GALNT2: variants seen among roughly 807,000 people sequenced by gnomAD.
GALNT2 encodes the protein UDP-GalNAc:polypeptide N-acetylgalactosaminyltransferase 2.
In GALNT2, 31 loss-of-function variants were observed where a neutral mutation model predicts 81.4. The ratio of observed to expected loss-of-function variants is 0.38; its 90% CI spans 0.29 to 0.51. GALNT2 has a LOEUF of 0.51. Among genes scored for constraint, GALNT2 ranks in the 20% least tolerant of loss-of-function variants. The pLI is 0.87. For missense variants in GALNT2, 629 were observed against 765.7 expected (o/e 0.82, Z 2.11); for synonymous variants, 303 against 287.4 (o/e 1.05, Z -0.55).
chr1:230,206,373 A>G (rs1056890378), intron 3 of GALNT2, among the ~76,000 whole-genome samples: 3 of 152,056 alleles, frequency 2.0e-5, no homozygotes, highest in African/African-American at 7.2e-5. Context: ...GTTTAATTTT[A>G]GTTCCAGCCA....
At chr1:230,155,344 G>A (rs1241732585) in intron 1 of GALNT2, among the ~76,000 whole-genome samples, 1 of 152,222 alleles carries the variant, frequency 6.6e-6, no homozygotes, top group Non-Finnish European at 1.5e-5. Context: ...CCTGCCTGCA[G>A]CCGCTGACCT....
intron 3 of GALNT2, among the ~76,000 whole-genome samples, chr1:230,215,607 A>G (rs1474121785): frequency 1.3e-5 from 2 of 152,224 alleles, no homozygotes; most frequent in Non-Finnish European, 2.9e-5. Context: ...TTTTGCCCTG[A>G]GCAATAATGT....
chr1:230,093,684 C>T (rs954894222), intron 1 of GALNT2, among the ~76,000 whole-genome samples: 2 of 152,208 alleles, frequency 1.3e-5, no homozygotes, highest in Non-Finnish European at 2.9e-5. Flanking sequence ...ATCGAATACC[C>T]AATGGTGGTC....
At chr1:230,074,593 T>G (rs1332932186) in intron 1 of GALNT2, among the ~76,000 whole-genome samples, 3 of 152,234 alleles carry the variant, frequency 2.0e-5, no homozygotes, top group Non-Finnish European at 4.4e-5. Context: ...CCGTTAATTT[T>G]GATTTCATTC....
At chr1:230,083,060 G>T (rs750722887) in intron 1 of GALNT2, among the ~76,000 whole-genome samples, 8 of 151,834 alleles carry the variant, frequency 5.3e-5, no homozygotes, top group Non-Finnish European at 1.2e-4. Flanking sequence ...GGATGATGGA[G>T]CAGGGAAGCC....
intron 1 of GALNT2, among the ~76,000 whole-genome samples, chr1:230,174,722 G>A (rs932740931): frequency 2.6e-5 from 4 of 152,076 alleles, no homozygotes; most frequent in Non-Finnish European, 5.9e-5. Context: ...TACTGAAATG[G>A]CCTCCTGGGC....
chr1:230,073,218 G>T (rs1407383123), intron 1 of GALNT2, among the ~76,000 whole-genome samples: 1 of 152,180 alleles, frequency 6.6e-6, no homozygotes, highest in Non-Finnish European at 1.5e-5. Flanking sequence ...ACTTGACCTT[G>T]TTCTCTTAAC....
In GALNT2 at chr1:230,243,945, G is replaced by T. The variant is rs1175902586; in HGVS notation, c.729+518G>T. ...CTAGGAAGCATACAGGGACCGGTGG[G>T]GTTGTCAGAGGGTGATCCGCGGCTC... On this transcript the variant is annotated intron_variant, in intron 7 of 15. Transcript: ENST00000366672. The surrounding 1 kb of genome is among the most constrained non-coding windows in gnomAD (Gnocchi z 4.2). 6.6e-6 allele frequency among the ~76,000 whole-genome samples: 1 copy of T among 151,998 alleles called. No homozygotes were observed. The highest frequency in any genetic ancestry group is 1.5e-5 in the Non-Finnish European group (1 of 68,004).
chr1:230,208,870 C>T (rs993602859), intron 3 of GALNT2, among the ~76,000 whole-genome samples: 9 of 152,008 alleles, frequency 5.9e-5, no homozygotes, highest in African/African-American at 2.2e-4. Flanking sequence ...GGTGGAGGAT[C>T]GGGGGTTGTT....
At chr1:230,166,445 G>A (rs1038904201) in intron 1 of GALNT2, among the ~76,000 whole-genome samples, 4 of 152,288 alleles carry the variant, frequency 2.6e-5, no homozygotes, top group Non-Finnish European at 5.9e-5. Context: ...AATATCCCAC[G>A]TGGGTCATAT....
chr1:230,265,214 G>A lies in GALNT2; in HGVS notation c.1314-27G>A, dbSNP rs750607301. On this transcript the variant is annotated intron_variant, in intron 13 of 15. Coordinates refer to ENST00000366672, the MANE Select transcript of GALNT2 (RefSeq NM_004481.5). Reference sequence around the variant, plus strand: ...GGAGCTGGTGGTCATGTGCAGTGAAGCAGGTGATTCTCACGTTGTTTTTCA... The same window carrying A: ...GGAGCTGGTGGTCATGTGCAGTGAAACAGGTGATTCTCACGTTGTTTTTCA... 8.7e-6 allele frequency: 14 copies of A among 1,613,912 alleles called. No individual in the cohort carries two copies. In the South Asian group the frequency reaches 1.5e-4, roughly 18 times the overall value.
At chr1:230,088,263 C>G (rs1180740651) in intron 1 of GALNT2, among the ~76,000 whole-genome samples, 3 of 152,168 alleles carry the variant, frequency 2.0e-5, no homozygotes, top group Admixed American at 6.5e-5. Context: ...TTCTCACCAG[C>G]CCCTGGCACC....
At chr1:230,074,944 G>A (rs933176867) in intron 1 of GALNT2, among the ~76,000 whole-genome samples, 2 of 151,710 alleles carry the variant, frequency 1.3e-5, no homozygotes, top group South Asian at 2.1e-4. Context: ...ACTCCTGGCC[G>A]AGGGTTTCTG....
intron 1 of GALNT2, among the ~76,000 whole-genome samples, chr1:230,123,689 T>C (rs1273989123): frequency 2.6e-5 from 4 of 152,232 alleles, no homozygotes; most frequent in African/African-American, 7.2e-5. Flanking sequence ...TTTCTACGAT[T>C]ATGGAAAGGA....
intron 14 of GALNT2, among the ~76,000 whole-genome samples, chr1:230,267,005 C>G (rs188057508): frequency 4.3e-5 from 6 of 138,626 alleles, no homozygotes; most frequent in African/African-American, 1.7e-4. Context: ...CACACACACA[C>G]ACACACACAC....
At chr1:230,149,864 G>A (rs1292822409) in intron 1 of GALNT2, among the ~76,000 whole-genome samples, 1 of 152,084 alleles carries the variant, frequency 6.6e-6, no homozygotes, top group Non-Finnish European at 1.5e-5. Context: ...TGGCAGAGCC[G>A]TCTCTGGGCA....
intron 1 of GALNT2, among the ~76,000 whole-genome samples, chr1:230,077,032 A>C (rs1021701668): frequency 6.6e-6 from 1 of 152,150 alleles, no homozygotes; most frequent in Non-Finnish European, 1.5e-5. Context: ...AGCCGGTGCA[A>C]ATTAAAGGCC....
intron 11 of GALNT2, among the ~76,000 whole-genome samples, chr1:230,255,924 C>G (rs998931454): frequency 9.2e-5 from 14 of 152,166 alleles, no homozygotes; most frequent in Non-Finnish European, 1.6e-4. Flanking sequence ...TTAAAATGAA[C>G]AGAAATTTAT....
chr1:230,262,921 G>T lies in GALNT2; in HGVS notation c.1230-1G>T. On this transcript the variant is annotated splice_acceptor_variant, in intron 12 of 15. Transcript: ENST00000366672. LOFTEE classifies it high-confidence loss of function. Reference sequence around the variant, plus strand: ...AGGAATCTTATTTCCCTCTTCTCCAGTATTCAGAGCAGATTGGAGCTTAGG... The same window carrying T: ...AGGAATCTTATTTCCCTCTTCTCCATTATTCAGAGCAGATTGGAGCTTAGG... 6.2e-7 allele frequency: 1 copy of T among 1,612,508 alleles called. No individual in the cohort carries two copies. The highest frequency in any genetic ancestry group is 8.5e-7 in the Non-Finnish European group (1 of 1,178,536).
Sources: allele counts gnomAD v4.1 joint callset (sites outside exome capture counted in the v4.1 genomes callset), GRCh38; gene constraint gnomAD v4.1.1; non-coding constraint Gnocchi (gnomAD v3.1); transcripts MANE v1.5; gene names NCBI Gene and HGNC (gene_info 2026-07-23, HGNC 2026-07-21).